Variants in WDFY3 observed in about 807,000 individuals in gnomAD.
The protein encoded by WDFY3 is WD repeat and FYVE domain containing 3, also known as WD repeat and FYVE domain-containing protein 3.
WDFY3 carries 66 observed loss-of-function variants against 409.6 expected under a neutral mutation model. The ratio of observed to expected loss-of-function variants is 0.16; its 90% confidence interval spans 0.13 to 0.20. WDFY3 has a LOEUF of 0.20. Among genes scored for constraint, WDFY3 ranks in the 10% least tolerant of loss-of-function variants. WDFY3 has a pLI of 1.00. For missense variants in WDFY3, 3,031 were observed against 4,298.1 expected, an observed-to-expected ratio of 0.71 and a Z score of 8.24; for synonymous variants, 1,521 against 1,537.1, an observed-to-expected ratio of 0.99 and a Z score of 0.25.
At chr4:84,713,061 G>T in intron 51 of WDFY3, 98 bp downstream of exon 51, 1 of 1,341,642 alleles carries the variant, frequency 7.5e-7, no homozygotes, top group South Asian at 1.3e-5. Context: ...AACCACCAGG[G>T]GAAAAACACT....
intron 3 of WDFY3, among the ~76,000 whole-genome samples, chr4:84,877,016 G>A (rs572181943): frequency 1.3e-5 from 2 of 152,210 alleles, no homozygotes; most frequent in Admixed American, 6.5e-5. Flanking sequence ...AGAAGGCTAC[G>A]CTCTCCAAAT....
chr4:84,679,172 C>G lies in WDFY3; in HGVS notation c.9894G>C (p.Lys3298Asn). ...ADEQSISQDP[K>N]DTPSQPSSTS... ...TGCTGCTGGGTTGGCTTGGAGTGTC[C>G]TTAGGGTCCTGGCTGATGCTCTGCT... The change falls in exon 65 of 68, where the codon AAG (lysine) becomes AAC (asparagine). Residue 3298 changes from lysine to asparagine, a missense_variant. Physicochemically the swap from Lys to Asn is moderately conservative, Grantham distance 94. Around this residue, in one of 16 missense-constraint regions of WDFY3, gnomAD observed 378 missense variants for 477.3 expected, o/e 0.79. Coordinates refer to ENST00000295888, the MANE Select transcript of WDFY3 (RefSeq NM_014991.6). 1 of 1,611,594 alleles carries G rather than the reference C, an allele frequency of 6.2e-7. No homozygotes were observed. Among genetic ancestry groups the G allele is most frequent in the South Asian group, 1.1e-5 (1 of 90,834 alleles).
intron 47 of WDFY3, among the ~76,000 whole-genome samples, chr4:84,720,154 C>T (rs1021859353): frequency 1.3e-5 from 2 of 152,182 alleles, no homozygotes; most frequent in African/African-American, 4.8e-5. Context: ...AGATAAGACA[C>T]AGTTTGCCTA....
intron 2 of WDFY3, among the ~76,000 whole-genome samples, chr4:84,899,968 G>C (rs933146352): frequency 6.6e-6 from 1 of 152,152 alleles, no homozygotes; most frequent in Non-Finnish European, 1.5e-5. Context: ...AGGACTGCTT[G>C]AGCCCAGGAG....
At chr4:84,775,353 G>A (rs1745371980) in intron 27 of WDFY3, among the ~76,000 whole-genome samples, 1 of 151,942 alleles carries the variant, frequency 6.6e-6, no homozygotes, top group East Asian at 1.9e-4. Flanking sequence ...TACAAAGCTA[G>A]TTCAAATACC....
At chr4:84,784,911 CACACACACAT>C in intron 24 of WDFY3, among the ~76,000 whole-genome samples, 1 of 146,640 alleles carries the variant, frequency 6.8e-6, no homozygotes, top group African/African-American at 2.5e-5. Context: ...CACACACACA[CACACACACAT>C]ACACACCTTG....
In WDFY3 at chr4:84,887,654, C is replaced by T. The variant is rs567886576; in HGVS notation, c.-32+9257G>A. ...TTATTTCCTACCACAAAATGGTATG[C>T]CTACTTTATACATTTAAAATATGGA... On this transcript the variant is annotated intron_variant, in intron 3 of 67. Coordinates refer to ENST00000295888, the MANE Select transcript of WDFY3 (RefSeq NM_014991.6). 9.7e-4 allele frequency among the ~76,000 whole-genome samples: 148 copies of T among 152,288 alleles called. 3 individuals are homozygous for T. In the South Asian group the frequency reaches 0.03, roughly 30 times the overall value.
intron 5 of WDFY3, chr4:84,849,643 C>A: frequency 2.7e-5 from 6 of 223,856 alleles, no homozygotes; most frequent in East Asian, 9.8e-5. Context: ...GTATTTTGCT[C>A]AAAGGGAAAC....
chr4:84,673,433 A>G (rs967304304), intron 67 of WDFY3, among the ~76,000 whole-genome samples: 1 of 152,124 alleles, frequency 6.6e-6, no homozygotes, highest in Non-Finnish European at 1.5e-5. Flanking sequence ...ACTAATGAGT[A>G]TCTATTTTCA....
At chr4:84,937,500 T>C (rs1208103495) in intron 1 of WDFY3, among the ~76,000 whole-genome samples, 1 of 152,180 alleles carries the variant, frequency 6.6e-6, no homozygotes, top group Non-Finnish European at 1.5e-5. Flanking sequence ...GTTACTATTT[T>C]GGTCAAAGTC....
chr4:84,933,688 C>T (rs1052742476), intron 1 of WDFY3, among the ~76,000 whole-genome samples: 4 of 151,908 alleles, frequency 2.6e-5, no homozygotes, highest in Non-Finnish European at 4.4e-5. Flanking sequence ...ACTACCCTGC[C>T]CAGCTTCTGG....
At chr4:84,734,999 CA>C in intron 43 of WDFY3, 43 bp downstream of exon 43, 1 of 1,548,648 alleles carries the variant, frequency 6.5e-7, no homozygotes, top group African/African-American at 1.4e-5. Flanking sequence ...CTTTCACATA[CA>C]AAAAATGTAA....
intron 1 of WDFY3, among the ~76,000 whole-genome samples, chr4:84,937,938 C>A (rs542959391): frequency 1.3e-5 from 2 of 152,188 alleles, no homozygotes; most frequent in East Asian, 3.9e-4. Flanking sequence ...GTACATTTTT[C>A]CCCATGCATA....
chr4:84,872,774 TA>T (rs1762295137), intron 3 of WDFY3, among the ~76,000 whole-genome samples: 1 of 152,098 alleles, frequency 6.6e-6, no homozygotes, highest in South Asian at 2.1e-4. Flanking sequence ...AGGTTAAAGG[TA>T]AAGAGATGGA....
chr4:84,712,302 C>T (rs942729166), intron 51 of WDFY3, among the ~76,000 whole-genome samples: 23 of 145,252 alleles, frequency 1.6e-4, no homozygotes, highest in Admixed American at 2.2e-4. Context: ...GCAGAGGTTG[C>T]AGTGAGCCAA....
At chr4:84,714,710 G>C (rs2149032464) in intron 50 of WDFY3, among the ~76,000 whole-genome samples, 1 of 152,154 alleles carries the variant, frequency 6.6e-6, no homozygotes, top group East Asian at 1.9e-4. Flanking sequence ...TAGCACTTTG[G>C]GAGGCCGAGG....
At chr4:84,797,218 AT>A (rs1478606490) in intron 18 of WDFY3, among the ~76,000 whole-genome samples, 1 of 152,116 alleles carries the variant, frequency 6.6e-6, no homozygotes, top group Non-Finnish European at 1.5e-5. Context: ...TGCTTCTCCC[AT>A]TTTTTCCCCA....
intron 26 of WDFY3, 33 bp downstream of exon 26, chr4:84,780,075 G>C: frequency 6.6e-7 from 1 of 1,522,638 alleles, no homozygotes; most frequent in South Asian, 1.3e-5. Context: ...TAGGTGCCAG[G>C]TGAAGTGAAG....
chr4:84,851,998 A>G (rs975446957), intron 4 of WDFY3, among the ~76,000 whole-genome samples: 3 of 152,216 alleles, frequency 2.0e-5, no homozygotes, highest in Non-Finnish European at 2.9e-5. Context: ...TATAGATCTC[A>G]AAAACCTCAG....
Sources: gnomAD v4.1 joint callset for allele counts (sites outside exome capture counted in the v4.1 genomes callset) on GRCh38, gnomAD v4.1.1 for gene constraint, gnomAD v4.1.1 regional missense constraint, MANE v1.5 for transcripts, NCBI Gene and HGNC (gene_info 2026-07-23, HGNC 2026-07-21) for gene names.